KATNIP: variants seen among roughly 807,000 people sequenced by gnomAD.
KATNIP encodes katanin interacting protein.
A neutral mutation model predicts 174.0 loss-of-function variants in KATNIP; 126 were observed. The ratio of observed to expected loss-of-function variants is 0.72; its 90% CI spans 0.63 to 0.84. KATNIP has a LOEUF of 0.84. Among genes scored for constraint, KATNIP ranks in the 40% least tolerant of loss-of-function variants. The pLI, the probability that KATNIP is intolerant of heterozygous loss-of-function variation, is 0.00. For missense variants in KATNIP, 1,958 were observed against 2,109.7 expected (o/e 0.93, Z 1.41); for synonymous variants, 810 against 835.7 (o/e 0.97, Z 0.53).
At chr16:27,578,056 T>A (rs1476541202) in intron 2 of KATNIP, among the ~76,000 whole-genome samples, 1 of 152,132 alleles carries the variant, frequency 6.6e-6, no homozygotes, top group Non-Finnish European at 1.5e-5. Flanking sequence ...TCCAAACCAG[T>A]TAGGTCAAAA....
At chr16:27,598,832 T>C (rs1037955338) in intron 2 of KATNIP, among the ~76,000 whole-genome samples, 5 of 152,122 alleles carry the variant, frequency 3.3e-5, no homozygotes, top group African/African-American at 1.2e-4. Flanking sequence ...GTAGCAGGCT[T>C]GGGCAGAAGG....
At position 27,566,535 on chromosome 16, in the gene KATNIP, TA is replaced by T. The variant is rs566745233; in HGVS notation, c.8-7357del. ...CCAGGCGACAGAGTGAGACTCTGTC[TA>T]AAAAAAAAGGAAGTTGAAATGGGGG... On this transcript the variant is annotated intron_variant, in intron 1 of 27. Transcript: ENST00000261588. Among the ~76,000 whole-genome samples the T allele has an allele frequency of 5.4e-5, 6 of 111,174 alleles. No individual in the cohort carries two copies. In the South Asian group the frequency reaches 1.3e-3, roughly 25 times the overall value. The allele number at this position is 111,174 out of a possible 152,430, so 72.9% of individuals were successfully genotyped here. A position where few individuals can be genotyped will look rare whatever the true frequency, so the allele number is the denominator to read the frequency against.
At chr16:27,645,489 C>T (rs76808790) in intron 5 of KATNIP, among the ~76,000 whole-genome samples, 3,333 of 152,244 alleles carry the variant, frequency 0.022, 140 homozygotes, top group African/African-American at 0.076. Context: ...GTAACAAGTG[C>T]CCAGAGTGGG....
At chr16:27,758,450 T>G (rs1597391473) in intron 18 of KATNIP, among the ~76,000 whole-genome samples, 1 of 152,256 alleles carries the variant, frequency 6.6e-6, no homozygotes, top group South Asian at 2.1e-4. Flanking sequence ...CTCCCTGGTC[T>G]CCCTATAAAA....
In KATNIP at chr16:27,777,717, C is replaced by T. The variant is rs1263805590; in HGVS notation, c.4659C>T (p.Ile1553=). The T allele has an allele frequency of 6.2e-7, 1 of 1,614,048 alleles. No homozygotes were observed. The highest frequency in any genetic ancestry group is 1.3e-5 in the African/African-American group (1 of 74,938). ...AGCCCACCGTGCCCTACCACACCATCCTCTTCACCGAGGACAGGGACATCC... is the reference window on the plus strand; with the variant it reads ...AGCCCACCGTGCCCTACCACACCATTCTCTTCACCGAGGACAGGGACATCC... ...TCEPTVPYHT[I]LFTEDRDIRH... The change falls in exon 26 of 28, where the codon ATC becomes ATT. Residue 1553 remains isoleucine, a synonymous_variant. Transcript: ENST00000261588. This position sits in a 1 kb window ranked among gnomAD's most constrained non-coding sequence, Gnocchi z 4.4.
At chr16:27,552,365 A>G (rs1004113060) in intron 1 of KATNIP, among the ~76,000 whole-genome samples, 3 of 150,412 alleles carry the variant, frequency 2.0e-5, no homozygotes, top group African/African-American at 7.3e-5. Flanking sequence ...AGCAAATGCC[A>G]GTTTCTTTTT....
intron 12 of KATNIP, among the ~76,000 whole-genome samples, chr16:27,705,889 G>A (rs1446320527): frequency 6.6e-6 from 1 of 152,020 alleles, no homozygotes; most frequent in African/African-American, 2.4e-5. Flanking sequence ...TGGTGCCCAG[G>A]CTGGTCTTGA....
intron 6 of KATNIP, 105 bp from the exon 7 acceptor site, chr16:27,677,624 G>T: frequency 8.5e-7 from 1 of 1,180,702 alleles, no homozygotes; most frequent in Non-Finnish European, 1.2e-6. Flanking sequence ...ATTGTTAAAT[G>T]TTAGTTTGGG....
intron 2 of KATNIP, among the ~76,000 whole-genome samples, chr16:27,595,573 T>C (rs952485413): frequency 6.6e-6 from 1 of 152,246 alleles, no homozygotes; most frequent in Non-Finnish European, 1.5e-5. Flanking sequence ...GCACTCATTC[T>C]TTCATTTATT....
chr16:27,588,938 G>A (rs1289800547), intron 2 of KATNIP, among the ~76,000 whole-genome samples: 2 of 135,830 alleles, frequency 1.5e-5, no homozygotes, highest in Non-Finnish European at 3.0e-5. Flanking sequence ...CTGGAGTGCA[G>A]TGCAGTGGTG....
chr16:27,732,900 A>G (rs1266393281), intron 14 of KATNIP, among the ~76,000 whole-genome samples: 1 of 152,190 alleles, frequency 6.6e-6, no homozygotes, highest in Admixed American at 6.5e-5. Context: ...AAATGTTCCC[A>G]GCCAATGACA....
intron 8 of KATNIP, 136 bp from the exon 9 acceptor site, chr16:27,698,192 C>G (rs1265164257): frequency 5.4e-6 from 5 of 934,276 alleles, no homozygotes; most frequent in Non-Finnish European, 8.0e-6. Context: ...TTTTCTTTGT[C>G]TTTTACCGCC....
At chr16:27,727,309 C>G (rs1440904417) in intron 14 of KATNIP, 1 of 165,508 alleles carries the variant, frequency 6.0e-6, no homozygotes, top group African/African-American at 2.4e-5. Context: ...CCACCTCAGC[C>G]TCCCAAGTAG....
intron 2 of KATNIP, among the ~76,000 whole-genome samples, chr16:27,582,292 A>G (rs751282085): frequency 1.4e-4 from 22 of 152,220 alleles, no homozygotes; most frequent in Non-Finnish European, 1.3e-4. Flanking sequence ...AAAGGAAGAA[A>G]ACAAAAGAAA....
Position 27,776,807 on chromosome 16 carries a change from C to T in KATNIP, c.4450-121C>T. 1.4e-6 allele frequency: 1 copy of T among 693,786 alleles called. No individual in the cohort carries two copies. Among genetic ancestry groups the T allele is most frequent in the South Asian group, 1.8e-5 (1 of 57,124 alleles). 43.0% of individuals were successfully genotyped at this position (693,786 alleles called of 1,614,324 possible). On this transcript the variant is annotated intron_variant, in intron 24 of 27. Coordinates refer to ENST00000261588, the MANE Select transcript of KATNIP (RefSeq NM_015202.5). This position sits in a 1 kb window ranked among gnomAD's most constrained non-coding sequence, Gnocchi z 4.7. Reference sequence around the variant, plus strand: ...AAGGGGGCGGAACTCCAGGCTGGCCCACGTGGCAGGCGCTGCCTTGGGCAC... The same window carrying T: ...AAGGGGGCGGAACTCCAGGCTGGCCTACGTGGCAGGCGCTGCCTTGGGCAC...
intron 2 of KATNIP, among the ~76,000 whole-genome samples, chr16:27,586,091 A>G (rs2141825727): frequency 6.6e-6 from 1 of 151,962 alleles, no homozygotes; most frequent in Admixed American, 6.6e-5. Flanking sequence ...TAAGAGGGAG[A>G]CTCTGTCTCA....
At chr16:27,659,319 C>A (rs138129125) in intron 6 of KATNIP, among the ~76,000 whole-genome samples, 4 of 151,962 alleles carry the variant, frequency 2.6e-5, no homozygotes, top group Non-Finnish European at 2.9e-5. Flanking sequence ...GCAGATTAAC[C>A]TAGGCAACAT....
chr16:27,739,883 C>T (rs547651665), intron 14 of KATNIP, among the ~76,000 whole-genome samples, 158 bp from the exon 15 acceptor site: 1 of 152,308 alleles, frequency 6.6e-6, no homozygotes, highest in South Asian at 2.1e-4. Context: ...AGAAATGAGA[C>T]CAAGCCTAGT....
chr16:27,777,739 A>G lies in KATNIP; in HGVS notation c.4681A>G (p.Ile1561Val), dbSNP rs2082551353. The G allele has an allele frequency of 3.1e-6, 5 of 1,614,028 alleles. No individual in the cohort carries two copies. In the South Asian group the frequency reaches 4.4e-5, roughly 14 times the overall value. ...CATCCTCTTCACCGAGGACAGGGAC[A>G]TCCGCCACCAGGAGAAACACACCAC... Reference protein sequence around the residue: ...HTILFTEDRDIRHQEKHTTIS... With the variant: ...HTILFTEDRDVRHQEKHTTIS... Residue 1561 changes from isoleucine (I) to valine (V), a missense_variant, in exon 26 of 28, where the codon ATC becomes GTC. By Grantham distance (29) the Ile-to-Val change is conservative. Transcript: ENST00000261588. This position sits in a 1 kb window ranked among gnomAD's most constrained non-coding sequence, Gnocchi z 4.4.
Sources: allele counts gnomAD v4.1 joint callset (sites outside exome capture counted in the v4.1 genomes callset), GRCh38; gene constraint gnomAD v4.1.1; non-coding constraint Gnocchi (gnomAD v3.1); transcripts MANE v1.5; gene names NCBI Gene and HGNC (gene_info 2026-07-23, HGNC 2026-07-21).